Variants in SIN3A observed in about 807,000 individuals in gnomAD.
SIN3A encodes SIN3 transcription regulator family member A.
A neutral mutation model predicts 146.1 loss-of-function variants in SIN3A; 14 were observed. The observed-to-expected ratio is 0.10, with a 90% CI of 0.06 to 0.15. The LOEUF (loss-of-function observed/expected upper bound fraction) is 0.15. Among genes scored for constraint, SIN3A ranks in the 10% least tolerant of loss-of-function variants. The pLI is 1.00. For missense variants in SIN3A, 1,028 were observed against 1,576.0 expected (o/e 0.65, Z 5.89); for synonymous variants, 572 against 572.0 (o/e 1.00, Z 0.00).
chr15:75,440,415 A>G lies in SIN3A; in HGVS notation c.-33-10007T>C, dbSNP rs575820233. Among the ~76,000 whole-genome samples the G allele has an allele frequency of 1.2e-4, 18 of 151,754 alleles. No individual in the cohort carries two copies. The East Asian group carries it at 1.8e-3, about 15-fold the overall frequency. On this transcript the variant is annotated intron_variant, in intron 1 of 20. Transcript: ENST00000394947. Reference sequence around the variant, plus strand: ...CCTGGCTAATTTTTGTATTTTTAGTAGAAAAGGGGTTTTGCCATGTTGGCC... The same window carrying G: ...CCTGGCTAATTTTTGTATTTTTAGTGGAAAAGGGGTTTTGCCATGTTGGCC...
intron 2 of SIN3A, among the ~76,000 whole-genome samples, chr15:75,423,396 T>C (rs1465866034): frequency 6.6e-6 from 1 of 152,190 alleles, no homozygotes; most frequent in African/African-American, 2.4e-5. Flanking sequence ...AAAAATTATA[T>C]AGCCGGGCAC....
intron 1 of SIN3A, among the ~76,000 whole-genome samples, chr15:75,446,684 G>C (rs185604685): frequency 1.3e-5 from 2 of 152,006 alleles, no homozygotes; most frequent in East Asian, 1.9e-4. Context: ...TAGAGACAGG[G>C]TCTTGTTATG....
rs909137465 is a variant in SIN3A, at chr15:75,370,370, T to C, written c.*1609A>G. 2.6e-5 allele frequency: 4 copies of C among 152,152 alleles called. No homozygotes were observed. The highest frequency in any genetic ancestry group is 4.4e-5 in the Non-Finnish European group (3 of 68,022). 9.4% of individuals were successfully genotyped at this position (152,152 alleles called of 1,614,324 possible). A position where few individuals can be genotyped will look rare whatever the true frequency, so the allele number is the denominator to read the frequency against. The stretch of plus-strand genomic sequence containing the variant: ...AAGCAAACATAAAACACACAGAACA[T>C]TGCTGGTTACAACTAAGACTTGCGT... On this transcript the variant is annotated 3_prime_UTR_variant, in exon 21 of 21. Transcript: ENST00000394947.
At chr15:75,439,980 G>A (rs149385988) in intron 1 of SIN3A, among the ~76,000 whole-genome samples, 26,044 of 150,778 alleles carry the variant, frequency 0.17, 3,049 homozygotes, top group Non-Finnish European at 0.26. Flanking sequence ...GTGAAACCCC[G>A]TCTCTACTAA....
At chr15:75,412,230 G>C (rs1313374148) in intron 5 of SIN3A, among the ~76,000 whole-genome samples, 1 of 152,266 alleles carries the variant, frequency 6.6e-6, no homozygotes, top group East Asian at 1.9e-4. Flanking sequence ...GCACTTGAAA[G>C]CTAGTGCAAA....
intron 1 of SIN3A, among the ~76,000 whole-genome samples, chr15:75,445,620 G>A (rs1393440025): frequency 6.6e-6 from 1 of 151,802 alleles, no homozygotes; most frequent in Non-Finnish European, 1.5e-5. Flanking sequence ...GCGCATGCCT[G>A]TAATCCCAGC....
chr15:75,449,768 T>C (rs973090224), intron 1 of SIN3A, among the ~76,000 whole-genome samples: 3 of 152,194 alleles, frequency 2.0e-5, no homozygotes, highest in East Asian at 1.9e-4. Flanking sequence ...GCAAATTCTT[T>C]AGGAAACCAA....
rs1469583782 is a variant in SIN3A at position 75,422,768 on chromosome 15, T to C, written c.245A>G (p.His82Arg). ...CGCTGTTGGGTGATGATGGCTGCTA[T>C]GAACTGCTGCTATAGCGGGCCCATG... ...GSHGPAIAAV[H>R]SSHHHPTAVQ... Residue 82 changes from histidine to arginine, a missense_variant, in exon 3 of 21, where the codon CAT becomes CGT. Transcript: ENST00000394947. The C allele has an allele frequency of 1.9e-6, 3 of 1,614,186 alleles. No individual in the cohort carries two copies. The highest frequency in any genetic ancestry group is 8.5e-7 in the Non-Finnish European group (1 of 1,180,032).
intron 16 of SIN3A, among the ~76,000 whole-genome samples, chr15:75,386,901 G>A (rs1171534728): frequency 6.6e-6 from 1 of 152,150 alleles, no homozygotes; most frequent in African/African-American, 2.4e-5. Flanking sequence ...AACTTCCTGG[G>A]TTCAGATGAT....
chr15:75,384,053 G>GT (rs1051932434), intron 17 of SIN3A: 21,363 of 273,204 alleles, frequency 0.078, no homozygotes, highest in East Asian at 0.11. Context: ...TATATAACTA[G>GT]TTTTTTTTTT....
intron 2 of SIN3A, 85 bp downstream of exon 2, chr15:75,430,102 A>G (rs1281485301): frequency 1.0e-6 from 1 of 982,776 alleles, no homozygotes. Flanking sequence ...TTAATATCTA[A>G]CACAGTATTA....
chr15:75,450,331 C>A (rs1238399850), intron 1 of SIN3A, among the ~76,000 whole-genome samples: 2 of 152,142 alleles, frequency 1.3e-5, no homozygotes. Flanking sequence ...CCTAACGCAC[C>A]GAAACAGACG....
At chr15:75,435,431 C>T (rs2074089864) in intron 1 of SIN3A, among the ~76,000 whole-genome samples, 1 of 152,224 alleles carries the variant, frequency 6.6e-6, no homozygotes, top group African/African-American at 2.4e-5. Flanking sequence ...GATGCAGTGG[C>T]TTACGCTTAT....
chr15:75,380,779 T>G (rs1171945960), intron 18 of SIN3A, 56 bp from the exon 19 acceptor site: 5 of 1,167,004 alleles, frequency 4.3e-6, no homozygotes, highest in Non-Finnish European at 6.5e-6. Flanking sequence ...CAGCTCCTAA[T>G]GCATTGGGCA....
chr15:75,392,779 G>C lies in SIN3A; in HGVS notation c.2314C>G (p.Pro772Ala). Residue 772 changes from proline (P) to alanine (A), a missense_variant, in exon 15 of 21, where the codon CCT (proline) becomes GCT (alanine). Coordinates refer to ENST00000394947, the MANE Select transcript of SIN3A (RefSeq NM_001145358.2). ...GCAAGTGAGAGGTGTGGGCCAACAG[G>C]TACACCAGCATTCTCCTCCGTAGCC... ...EQATEENAGV[P>A]VGPHLSLAYE... The C allele has an allele frequency of 6.2e-7, 1 of 1,613,600 alleles. No homozygotes were observed. The highest frequency in any genetic ancestry group is 1.3e-5 in the African/African-American group (1 of 75,060).
chr15:75,391,119 T>A (rs548989384), intron 15 of SIN3A, among the ~76,000 whole-genome samples: 1 of 152,216 alleles, frequency 6.6e-6, no homozygotes, highest in Non-Finnish European at 1.5e-5. Context: ...TCACATTCTT[T>A]AGCTCCATAG....
At chr15:75,437,202 C>G (rs2074123070) in intron 1 of SIN3A, among the ~76,000 whole-genome samples, 1 of 149,956 alleles carries the variant, frequency 6.7e-6, no homozygotes, top group African/African-American at 2.5e-5. Flanking sequence ...CAATAGCATA[C>G]CATTATGTCC....
chr15:75,437,712 A>G (rs1444962497), intron 1 of SIN3A, among the ~76,000 whole-genome samples: 1 of 152,206 alleles, frequency 6.6e-6, no homozygotes, highest in Non-Finnish European at 1.5e-5. Context: ...GTCCCGCTTC[A>G]GCCAACATGG....
At chr15:75,442,141 A>AG (rs1411340049) in intron 1 of SIN3A, among the ~76,000 whole-genome samples, 1 of 149,072 alleles carries the variant, frequency 6.7e-6, no homozygotes, top group African/African-American at 2.4e-5. Flanking sequence ...AAAAAAAAAA[A>AG]AAAAAAAAAA....
Sources: gnomAD v4.1 joint callset for allele counts (sites outside exome capture counted in the v4.1 genomes callset) on GRCh38, gnomAD v4.1.1 for gene constraint, MANE v1.5 for transcripts, NCBI Gene and HGNC (gene_info 2026-07-23, HGNC 2026-07-21) for gene names.